LRCH1: variants seen among roughly 807,000 people sequenced by gnomAD.
LRCH1 encodes leucine rich repeats and calponin homology domain containing 1.
In LRCH1, 23 loss-of-function variants were observed where a neutral mutation model predicts 94.9. The ratio of observed to expected loss-of-function variants is 0.24; its 90% CI spans 0.17 to 0.34. The LOEUF is 0.34. LRCH1 is among the 10% of genes least tolerant of loss of function. The pLI is 1.00. For missense variants in LRCH1, 790 were observed against 945.9 expected (o/e 0.84, Z 2.16); for synonymous variants, 364 against 354.9 (o/e 1.03, Z -0.29).
chr13:46,573,866 A>ATATATATATATATT, intron 1 of LRCH1, among the ~76,000 whole-genome samples: 21 of 63,386 alleles, frequency 3.3e-4, no homozygotes, highest in African/African-American at 6.7e-4. Context: ...ATATATATAT[A>ATATATATATATATT]TTTTTTTTTT....
intron 2 of LRCH1, among the ~76,000 whole-genome samples, chr13:46,663,192 T>C (rs1331236412): frequency 6.6e-6 from 1 of 152,190 alleles, no homozygotes; most frequent in Non-Finnish European, 1.5e-5. Flanking sequence ...TATAAGATAA[T>C]AATAAATCTC....
At chr13:46,627,022 C>A (rs1389808285) in intron 1 of LRCH1, among the ~76,000 whole-genome samples, 1 of 152,102 alleles carries the variant, frequency 6.6e-6, no homozygotes, top group Non-Finnish European at 1.5e-5. Flanking sequence ...TCTCCGACAT[C>A]TTTTAGTTAG....
intron 18 of LRCH1, among the ~76,000 whole-genome samples, chr13:46,730,015 G>A (rs1457008473): frequency 6.6e-6 from 1 of 152,202 alleles, no homozygotes; most frequent in Non-Finnish European, 1.5e-5. Flanking sequence ...TTGTGAACTA[G>A]AAGAGAGCCA....
intron 19 of LRCH1, among the ~76,000 whole-genome samples, chr13:46,735,746 A>AT (rs1462813249): frequency 6.7e-6 from 1 of 148,840 alleles, no homozygotes; most frequent in African/African-American, 2.5e-5. Context: ...TATTTCTGGA[A>AT]TTATGTTTAA....
Position 46,712,522 on chromosome 13 carries a change from C to T in LRCH1, c.1582-3C>T. ...CTAATTTCCTTTCCTTCCAACACCA[C>T]AGATTAGAGAGAACTCCCCTGCAGT... On this transcript the variant is annotated splice_region_variant and splice_polypyrimidine_tract_variant and intron_variant, in intron 14 of 19. Transcript: ENST00000389797. 1 of 1,611,342 alleles carries T rather than the reference C, an allele frequency of 6.2e-7. No individual in the cohort carries two copies. The highest frequency in any genetic ancestry group is 8.5e-7 in the Non-Finnish European group (1 of 1,177,684).
chr13:46,677,449 A>C (rs1044310863), intron 3 of LRCH1, among the ~76,000 whole-genome samples: 9 of 152,116 alleles, frequency 5.9e-5, no homozygotes, highest in South Asian at 2.1e-4. Flanking sequence ...CAAAACAAAA[A>C]AAACTTCTAG....
chr13:46,701,317 C>A, intron 11 of LRCH1, 110 bp downstream of exon 11: 1 of 662,748 alleles, frequency 1.5e-6, no homozygotes, highest in South Asian at 2.0e-5. Context: ...TGGCCCAGTC[C>A]AGCTACTAAC....
At chr13:46,655,840 T>G (rs941118695) in intron 2 of LRCH1, among the ~76,000 whole-genome samples, 1 of 152,210 alleles carries the variant, frequency 6.6e-6, no homozygotes, top group Non-Finnish European at 1.5e-5. Flanking sequence ...TTTGATCATA[T>G]TGCTTCCAGA....
At chr13:46,750,845 G>C in exon 19 of LRCH1, 1 of 446,332 alleles carries the variant, frequency 2.2e-6, no homozygotes, top group Non-Finnish European at 4.0e-6. Context: ...AGACTTGACA[G>C]GTATTTATCT....
intron 1 of LRCH1, among the ~76,000 whole-genome samples, chr13:46,614,760 G>A (rs887352184): frequency 6.6e-6 from 1 of 152,118 alleles, no homozygotes; most frequent in African/African-American, 2.4e-5. Flanking sequence ...AAGGTATTAT[G>A]ACATTCGAGA....
At chr13:46,577,645 T>C (rs376490544) in intron 1 of LRCH1, among the ~76,000 whole-genome samples, 1 of 152,242 alleles carries the variant, frequency 6.6e-6, no homozygotes, top group East Asian at 1.9e-4. Context: ...CAACTAGCTT[T>C]TTTTGTAGCA....
chr13:46,658,440 C>T (rs2051404105), intron 2 of LRCH1, among the ~76,000 whole-genome samples: 1 of 152,096 alleles, frequency 6.6e-6, no homozygotes, highest in African/African-American at 2.4e-5. Context: ...TTCTACTTTC[C>T]ATTATTACTT....
intron 11 of LRCH1, among the ~76,000 whole-genome samples, chr13:46,704,057 A>G (rs1003180327): frequency 6.6e-6 from 1 of 152,174 alleles, no homozygotes; most frequent in Admixed American, 6.5e-5. Context: ...TTCTTTCTAA[A>G]ATAATCCACT....
chr13:46,732,865 C>G (rs565451566), intron 18 of LRCH1, among the ~76,000 whole-genome samples: 1 of 152,204 alleles, frequency 6.6e-6, no homozygotes, highest in Non-Finnish European at 1.5e-5. Flanking sequence ...CTGGCGACAT[C>G]TCTTTAGGGC....
chr13:46,722,274 A>T (rs1305689694), intron 16 of LRCH1, among the ~76,000 whole-genome samples: 1 of 152,062 alleles, frequency 6.6e-6, no homozygotes, highest in African/African-American at 2.4e-5. Context: ...TTCCCTCCCT[A>T]CCTCAATCTG....
Position 46,553,355 on chromosome 13 carries a change from C to T in LRCH1, c.-42C>T. Reference sequence around the variant, plus strand: ...CCCTCGCGGGGAACGCTGTGACCCCCCCGCAGGAGCGGCGGGGCGGGGTGG... The same window carrying T: ...CCCTCGCGGGGAACGCTGTGACCCCTCCGCAGGAGCGGCGGGGCGGGGTGG... On this transcript the variant is annotated 5_prime_UTR_variant, in exon 1 of 20. Transcript: ENST00000389797. 3 of 1,475,350 alleles carry T rather than the reference C, an allele frequency of 2.0e-6. No individual in the cohort carries two copies. Among genetic ancestry groups the T allele is most frequent in the Middle Eastern group, 1.8e-4 (1 of 5,602 alleles). 91.4% of individuals were successfully genotyped at this position (1,475,350 alleles called of 1,614,324 possible).
rs956928818 is a variant in LRCH1, at chr13:46,553,312, G to T, written c.-85G>T. Reference sequence around the variant, plus strand: ...TTTCGGTGGAGCACTGCGGCACTCAGCCCGAGCTGCCGTTTTCCCCTCGCG... The same window carrying T: ...TTTCGGTGGAGCACTGCGGCACTCATCCCGAGCTGCCGTTTTCCCCTCGCG... On this transcript the variant is annotated 5_prime_UTR_variant, in exon 1 of 20. Transcript: ENST00000389797. 5.0e-5 allele frequency: 57 copies of T among 1,142,884 alleles called. No homozygotes were observed. In the African/African-American group the frequency reaches 8.8e-4, roughly 18 times the overall value. The allele number at this position is 1,142,884 out of a possible 1,614,324, so 70.8% of individuals were successfully genotyped here.
chr13:46,737,312 C>G (rs558394206), intron 19 of LRCH1, among the ~76,000 whole-genome samples: 1 of 152,290 alleles, frequency 6.6e-6, no homozygotes, highest in East Asian at 1.9e-4. Context: ...GTTACTCAAG[C>G]TGGTCTCGAA....
At chr13:46,695,124 C>T in intron 9 of LRCH1, 107 bp downstream of exon 9, 1 of 1,354,714 alleles carries the variant, frequency 7.4e-7, no homozygotes, top group East Asian at 2.3e-5. Flanking sequence ...GTCCAGCTTG[C>T]TGCACCCTCC....
Sources: gnomAD v4.1 joint callset for allele counts (sites outside exome capture counted in the v4.1 genomes callset) on GRCh38, gnomAD v4.1.1 for gene constraint, MANE v1.5 for transcripts, NCBI Gene and HGNC (gene_info 2026-07-23, HGNC 2026-07-21) for gene names.